ADGRB2: variants seen among roughly 807,000 people sequenced by gnomAD.
ADGRB2 encodes the protein brain-specific angiogenesis inhibitor 2.
Under a neutral mutation model 178.7 loss-of-function variants are expected in ADGRB2, and 47 were observed. That is an observed-to-expected ratio of 0.26 (90% CI 0.21 to 0.34). The LOEUF is 0.34. Ranked by LOEUF, ADGRB2 falls within the 10% of genes least tolerant of loss-of-function variation. ADGRB2 has a pLI of 1.00. For missense variants in ADGRB2, 1,584 were observed against 2,180.8 expected (o/e 0.73, Z 5.45); for synonymous variants, 870 against 912.4 (o/e 0.95, Z 0.84).
rs1182899739 is a variant in ADGRB2, at chr1:31,727,757, G to A, written c.4573-152C>T. 3.1e-6 allele frequency: 3 copies of A among 967,506 alleles called. No individual in the cohort carries two copies. The highest frequency in any genetic ancestry group is 4.4e-6 in the Non-Finnish European group (3 of 678,412). The allele number at this position is 967,506 out of a possible 1,614,324, so 59.9% of individuals were successfully genotyped here. ...CAGAATTCAAATACAGACCTGCCTGGTTCCAGGGTGGGGCTCCTGACCCCT... is the reference window on the plus strand; with the variant it reads ...CAGAATTCAAATACAGACCTGCCTGATTCCAGGGTGGGGCTCCTGACCCCT... On this transcript the variant is annotated intron_variant, in intron 32 of 32. Transcript: ENST00000373658. The surrounding 1 kb of genome is among the most constrained non-coding windows in gnomAD (Gnocchi z 4.4).
At chr1:31,743,991 T>C (rs1646131975) in intron 6 of ADGRB2, among the ~76,000 whole-genome samples, 1 of 152,192 alleles carries the variant, frequency 6.6e-6, no homozygotes, top group Non-Finnish European at 1.5e-5. Flanking sequence ...CCCAGTAGCA[T>C]GGGCCCTGGT....
intron 4 of ADGRB2, among the ~76,000 whole-genome samples, chr1:31,745,245 A>T (rs2148985701): frequency 6.6e-6 from 1 of 152,206 alleles, no homozygotes; most frequent in East Asian, 1.9e-4. Flanking sequence ...CCTGGCCCCG[A>T]GCCTATCTCT....
At chr1:31,737,571 C>A (rs780993249) in intron 19 of ADGRB2, 40 bp from the exon 20 acceptor site, 2 of 1,611,168 alleles carry the variant, frequency 1.2e-6, no homozygotes, top group South Asian at 2.2e-5. Flanking sequence ...GCGCTGGCTG[C>A]CCCATCCGAC....
Position 31,742,075 on chromosome 1 carries a change from C to T in ADGRB2, c.1395G>A (p.Glu465=). 1 of 1,611,374 alleles carries T rather than the reference C, an allele frequency of 6.2e-7. No individual in the cohort carries two copies. Among genetic ancestry groups the T allele is most frequent in the Non-Finnish European group, 8.5e-7 (1 of 1,178,670 alleles). The change falls in exon 8 of 33, where the codon GAG becomes GAA. Residue 465 remains glutamate (E), a synonymous_variant. Transcript: ENST00000373658. ...TCTGALTDTR[E]CSNLECPATD... ...CACCCGGGCACTCGAGGTTGCTGCA[C>T]TCCCGGGTGTCAGTGAGGGCACCCG...
chr1:31,728,402 G>T lies in ADGRB2; in HGVS notation c.4417-122C>A. 1 of 1,320,548 alleles carries T rather than the reference G, an allele frequency of 7.6e-7. No individual in the cohort carries two copies. Among genetic ancestry groups the T allele is most frequent in the Non-Finnish European group, 1.1e-6 (1 of 929,354 alleles). The allele number at this position is 1,320,548 out of a possible 1,614,324, so 81.8% of individuals were successfully genotyped here. A position where few individuals can be genotyped will look rare whatever the true frequency, so the allele number is the denominator to read the frequency against. Reference sequence around the variant, plus strand: ...CCTGCTGCCAGCCCCTCTGGGACAAGACCTAGTTCTCTCTTCACGTTGGTG... The same window carrying T: ...CCTGCTGCCAGCCCCTCTGGGACAATACCTAGTTCTCTCTTCACGTTGGTG... On this transcript the variant is annotated intron_variant, in intron 30 of 32. Coordinates refer to ENST00000373658, the MANE Select transcript of ADGRB2 (RefSeq NM_001364857.2). This position sits in a 1 kb window ranked among gnomAD's most constrained non-coding sequence, Gnocchi z 6.7.
chr1:31,738,344 T>G lies in ADGRB2; in HGVS notation c.2646-18A>C. The G allele has an allele frequency of 6.2e-7, 1 of 1,613,698 alleles. No individual in the cohort carries two copies. The highest frequency in any genetic ancestry group is 8.5e-7 in the Non-Finnish European group (1 of 1,179,800). On this transcript the variant is annotated intron_variant, in intron 17 of 32. Transcript: ENST00000373658. ...TGGCATCTCTTGGGTAGGGGAGAGA[T>G]TCAGTGAGCCCCAGGCCAGCTACGT...
chr1:31,734,808 G>T (rs867396915), intron 25 of ADGRB2, among the ~76,000 whole-genome samples: 6 of 152,150 alleles, frequency 3.9e-5, no homozygotes, highest in African/African-American at 1.4e-4. Context: ...GCTTCTGATT[G>T]TCTTATTCTA....
chr1:31,752,940 T>TGATGATGGGGAGGGG (rs1292420493), intron 4 of ADGRB2, among the ~76,000 whole-genome samples: 12 of 151,830 alleles, frequency 7.9e-5, no homozygotes, highest in Admixed American at 2.6e-4. Flanking sequence ...ATGGGGAGGG[T>TGATGATGGGGAGGGG]GAGCCTGCAG....
At chr1:31,736,516 C>T in intron 21 of ADGRB2, 57 bp downstream of exon 21, 1 of 1,600,030 alleles carries the variant, frequency 6.2e-7, no homozygotes, top group Non-Finnish European at 8.5e-7. Flanking sequence ...CTGAACCTCT[C>T]TTGCTGCCCC....
In ADGRB2 at chr1:31,735,917, G is replaced by C; in HGVS notation, c.3201-24C>G. 1 of 1,565,662 alleles carries C rather than the reference G, an allele frequency of 6.4e-7. No individual in the cohort carries two copies. On this transcript the variant is annotated intron_variant, in intron 22 of 32. Transcript: ENST00000373658. This position sits in a 1 kb window ranked among gnomAD's most constrained non-coding sequence, Gnocchi z 6.0. ...AGCTGGGGTGGGGGAGAAGAAGGGT[G>C]TCAGACACCCAGCAGCCTCCCTCCC...
chr1:31,744,100 G>C lies in ADGRB2; in HGVS notation c.1087+93C>G. 2.8e-6 allele frequency: 4 copies of C among 1,403,830 alleles called. No individual in the cohort carries two copies. The highest frequency in any genetic ancestry group is 1.5e-5 in the South Asian group (1 of 65,706). 87.0% of individuals were successfully genotyped at this position (1,403,830 alleles called of 1,614,324 possible). A position where few individuals can be genotyped will look rare whatever the true frequency, so the allele number is the denominator to read the frequency against. On this transcript the variant is annotated intron_variant, in intron 6 of 32. Coordinates refer to ENST00000373658, the MANE Select transcript of ADGRB2 (RefSeq NM_001364857.2). This position sits in a 1 kb window ranked among gnomAD's most constrained non-coding sequence, Gnocchi z 6.7. The stretch of plus-strand genomic sequence containing the variant: ...AGCCACATTTGTTGAATGAAAGGAG[G>C]AGGCAACCAACCATTTTGGAGATTA...
chr1:31,740,219 G>A lies in ADGRB2; in HGVS notation c.1990-41C>T, dbSNP rs760558502. On this transcript the variant is annotated intron_variant, in intron 12 of 32. Coordinates refer to ENST00000373658, the MANE Select transcript of ADGRB2 (RefSeq NM_001364857.2). This position sits in a 1 kb window ranked among gnomAD's most constrained non-coding sequence, Gnocchi z 5.9. Reference sequence around the variant, plus strand: ...TGAGTGGCAGGGGGTCCTAGCCCCAGGGAACAGGGGGCTTCCCCCACTATA... The same window carrying A: ...TGAGTGGCAGGGGGTCCTAGCCCCAAGGAACAGGGGGCTTCCCCCACTATA... 1 of 1,611,928 alleles carries A rather than the reference G, an allele frequency of 6.2e-7. No homozygotes were observed. Among genetic ancestry groups the A allele is most frequent in the Non-Finnish European group, 8.5e-7 (1 of 1,178,492 alleles).
intron 4 of ADGRB2, among the ~76,000 whole-genome samples, chr1:31,747,258 T>C (rs1346240848): frequency 6.6e-6 from 1 of 152,058 alleles, no homozygotes; most frequent in East Asian, 1.9e-4. Context: ...CAGGAGTCCA[T>C]GCTTTGTCCT....
At position 31,744,616 on chromosome 1, in the gene ADGRB2, G is replaced by C. The variant is rs1466752512; in HGVS notation, c.922+32C>G. ...ACCAGACGCACACAGTCGGGCCCCC[G>C]CCGCAGAGGAAGGGAGGCGGGCCCG... On this transcript the variant is annotated intron_variant, in intron 5 of 32. Transcript: ENST00000373658. The surrounding 1 kb of genome is among the most constrained non-coding windows in gnomAD (Gnocchi z 6.7). 1.2e-6 allele frequency: 2 copies of C among 1,610,352 alleles called. No homozygotes were observed. Among genetic ancestry groups the C allele is most frequent in the Non-Finnish European group, 1.7e-6 (2 of 1,177,562 alleles).
chr1:31,741,368 C>A lies in ADGRB2; in HGVS notation c.1794+5G>T. The A allele has an allele frequency of 6.3e-7, 1 of 1,595,998 alleles. No homozygotes were observed. The highest frequency in any genetic ancestry group is 8.5e-7 in the Non-Finnish European group (1 of 1,171,216). On this transcript the variant is annotated splice_donor_5th_base_variant and intron_variant, in intron 11 of 32. Transcript: ENST00000373658. This position sits in a 1 kb window ranked among gnomAD's most constrained non-coding sequence, Gnocchi z 6.5. ...CTGTGCCCCAGCCCAGCAGGGTGCA[C>A]TCACTGACAGATACAGGTAGCGGTA... is the stretch of plus-strand genomic sequence containing the variant.
At position 31,741,213 on chromosome 1, in the gene ADGRB2, A is replaced by G. The variant is rs1645945323; in HGVS notation, c.1794+160T>C. ...ACACTTGAGAGTCAGGCCTTGAGGT[A>G]TGAGTAGGAGCTTGCCAGACAAGGA... is the stretch of plus-strand genomic sequence containing the variant. On this transcript the variant is annotated intron_variant, in intron 11 of 32. Transcript: ENST00000373658. The surrounding 1 kb of genome is among the most constrained non-coding windows in gnomAD (Gnocchi z 6.5). Among the ~76,000 whole-genome samples, 2 of 152,138 alleles carry G rather than the reference A, an allele frequency of 1.3e-5. No individual in the cohort carries two copies. Among genetic ancestry groups the G allele is most frequent in the Admixed American group, 1.3e-4 (2 of 15,284 alleles).
chr1:31,746,596 T>A (rs1646285763), intron 4 of ADGRB2, among the ~76,000 whole-genome samples: 1 of 152,190 alleles, frequency 6.6e-6, no homozygotes, highest in Non-Finnish European at 1.5e-5. Context: ...TGTTCCTTCC[T>A]CATTCCCCGC....
At position 31,738,952 on chromosome 1, in the gene ADGRB2, C is replaced by T; in HGVS notation, c.2496-15G>A. The T allele has an allele frequency of 3.8e-6, 6 of 1,592,076 alleles. No homozygotes were observed. The highest frequency in any genetic ancestry group is 1.3e-5 in the African/African-American group (1 of 74,720). ...CCAGCGGGGGCCTGCGGGACAGGTACCGAAGTCAGCTCCTGCCAGCGGGTG... is the reference window on the plus strand; with the variant it reads ...CCAGCGGGGGCCTGCGGGACAGGTATCGAAGTCAGCTCCTGCCAGCGGGTG... On this transcript the variant is annotated splice_polypyrimidine_tract_variant and intron_variant, in intron 15 of 32. Transcript: ENST00000373658.
At chr1:31,762,558 C>T (rs976765399) in intron 1 of ADGRB2, among the ~76,000 whole-genome samples, 4 of 152,216 alleles carry the variant, frequency 2.6e-5, no homozygotes, top group African/African-American at 4.8e-5. Flanking sequence ...CTGGTCTGTA[C>T]GTGAAGGCTC....
Sources: gnomAD v4.1 joint callset for allele counts (sites outside exome capture counted in the v4.1 genomes callset) on GRCh38, gnomAD v4.1.1 for gene constraint, Gnocchi (gnomAD v3.1) non-coding constraint, MANE v1.5 for transcripts, NCBI Gene and HGNC (gene_info 2026-07-23, HGNC 2026-07-21) for gene names.